Variants in JAG1 observed in about 807,000 individuals in gnomAD.
The protein encoded by JAG1 is protein jagged-1.
JAG1 carries 23 observed loss-of-function variants against 148.7 expected under a neutral mutation model. The ratio of observed to expected loss-of-function variants is 0.15; its 90% confidence interval spans 0.11 to 0.22. The LOEUF (loss-of-function observed/expected upper bound fraction) is 0.22, where lower values mean the gene tolerates loss of function less well. JAG1 is among the 10% of genes least tolerant of loss of function. The pLI is 1.00. For missense variants in JAG1, 1,054 were observed against 1,611.2 expected, an observed-to-expected ratio of 0.65 and a Z score of 5.92; for synonymous variants, 572 against 598.3, an observed-to-expected ratio of 0.96 and a Z score of 0.64.
At chr20:10,667,039 G>T (rs984481346) in intron 2 of JAG1, among the ~76,000 whole-genome samples, 5 of 152,238 alleles carry the variant, frequency 3.3e-5, no homozygotes, top group African/African-American at 1.2e-4. Flanking sequence ...ACATTAAGAA[G>T]GGGGGATGTA....
rs545669566 is a variant in JAG1 at position 10,668,398 on chromosome 20, TGGG to T, written c.387+4300_387+4302del. On this transcript the variant is annotated intron_variant, in intron 2 of 25. Transcript: ENST00000254958. ...CAGCCTAGATCCTAGGCTTGAAGGA[TGGG>T]GGTAGGTGGAAGAGCAACATGCCTT... 7.2e-5 allele frequency among the ~76,000 whole-genome samples: 11 copies of T among 152,274 alleles called. 1 individual carries two copies. The South Asian group carries it at 2.3e-3, about 32-fold the overall frequency.
chr20:10,648,522 G>A (rs1464890573), intron 12 of JAG1, 27 bp downstream of exon 12: 1 of 1,608,202 alleles, frequency 6.2e-7, no homozygotes, highest in Non-Finnish European at 8.5e-7. Context: ...TAAAAACTTG[G>A]CCATCTGAGG....
chr20:10,659,561 T>C (rs1382408775), intron 3 of JAG1, among the ~76,000 whole-genome samples: 4 of 30,964 alleles, frequency 1.3e-4, no homozygotes, highest in Non-Finnish European at 3.0e-4. Flanking sequence ...TTAAGTTACT[T>C]TTTTTTTTTT....
chr20:10,656,241 ATAATT>A, intron 5 of JAG1, among the ~76,000 whole-genome samples, 152 bp downstream of exon 5: 1 of 152,376 alleles, frequency 6.6e-6, no homozygotes, highest in Non-Finnish European at 1.5e-5. Context: ...GACAGCTGGT[ATAATT>A]TAATAAGCTT....
chr20:10,660,800 G>A (rs1307465721), intron 3 of JAG1, among the ~76,000 whole-genome samples: 3 of 152,150 alleles, frequency 2.0e-5, no homozygotes, highest in South Asian at 2.1e-4. Context: ...GTGGCAGTTC[G>A]TTTGGCAGTC....
At chr20:10,662,604 T>C (rs935140468) in intron 3 of JAG1, 2 of 152,600 alleles carry the variant, frequency 1.3e-5, no homozygotes, top group African/African-American at 4.8e-5. Flanking sequence ...TAACGCTTAG[T>C]TACCATTGTA....
At chr20:10,643,665 T>G in intron 20 of JAG1, 113 bp downstream of exon 20, 2 of 824,818 alleles carry the variant, frequency 2.4e-6, no homozygotes, top group South Asian at 1.4e-5. Flanking sequence ...CTTTGCTCTA[T>G]GAGAGCTACT....
chr20:10,649,841 T>C, intron 9 of JAG1: 1 of 615,024 alleles, frequency 1.6e-6, no homozygotes, highest in Non-Finnish European at 2.9e-6. Context: ...AATTGATAAC[T>C]TTCCAGCTGC....
intron 2 of JAG1, among the ~76,000 whole-genome samples, chr20:10,669,037 A>AAAAT (rs34323357): frequency 3.3e-5 from 5 of 151,374 alleles, no homozygotes; most frequent in Admixed American, 6.6e-5. Context: ...GAGAAAAAAA[A>AAAAT]ATTAGAAACC....
At position 10,645,637 on chromosome 20, in the gene JAG1, A is replaced by T. The variant is rs573775181; in HGVS notation, c.2000-168T>A. On this transcript the variant is annotated intron_variant, in intron 15 of 25. Transcript: ENST00000254958. This position sits in a 1 kb window ranked among gnomAD's most constrained non-coding sequence, Gnocchi z 6.1. ...TTTTCCAGGAATAAAGGAGCTCCCA[A>T]CTGGGTTACTTTGAATGCCACAAGT... The T allele has an allele frequency of 1.5e-5, 10 of 687,838 alleles. No individual in the cohort carries two copies. The highest frequency in any genetic ancestry group is 2.6e-5 in the Non-Finnish European group (10 of 386,712). 42.6% of individuals were successfully genotyped at this position (687,838 alleles called of 1,614,324 possible). A position where few individuals can be genotyped will look rare whatever the true frequency, so the allele number is the denominator to read the frequency against.
At chr20:10,646,190 A>G (rs568957893) in intron 14 of JAG1, 106 bp from the exon 15 acceptor site, 1 of 771,724 alleles carries the variant, frequency 1.3e-6, no homozygotes, top group East Asian at 2.6e-5. Context: ...TGCACCTGGC[A>G]CCTCCACCTG....
intron 11 of JAG1, 156 bp from the exon 12 acceptor site, chr20:10,648,878 G>A: frequency 6.7e-6 from 6 of 894,590 alleles, no homozygotes; most frequent in Non-Finnish European, 1.1e-5. Context: ...GAATTTCTAT[G>A]TGCATGCCTT....
At position 10,639,213 on chromosome 20, in the gene JAG1, G is replaced by C. The variant is rs1417703622; in HGVS notation, c.*285C>G. ...GGCAGAAGTGGGAGCTCAAAGACCA[G>C]GGGGCTGGGCAGGCTCCTGGGAGCC... On this transcript the variant is annotated 3_prime_UTR_variant, in exon 26 of 26. Transcript: ENST00000254958. 1.1e-5 allele frequency: 5 copies of C among 470,492 alleles called. No individual in the cohort carries two copies. The highest frequency in any genetic ancestry group is 1.6e-5 in the Non-Finnish European group (4 of 255,138). The allele number at this position is 470,492 out of a possible 1,614,324, so 29.1% of individuals were successfully genotyped here.
rs187992135 is a variant in JAG1 at position 10,663,263 on chromosome 20, T to G, written c.439+700A>C. ...GCTGGCAAAAAGGGAACTTGAAGTTTCGGCTCGTGAGCGAAAACACTGTAA... is the reference window on the plus strand; with the variant it reads ...GCTGGCAAAAAGGGAACTTGAAGTTGCGGCTCGTGAGCGAAAACACTGTAA... On this transcript the variant is annotated intron_variant, in intron 3 of 25. Coordinates refer to ENST00000254958, the MANE Select transcript of JAG1 (RefSeq NM_000214.3). Among the ~76,000 whole-genome samples, 10 of 152,334 alleles carry G rather than the reference T, an allele frequency of 6.6e-5. No homozygotes were observed. In the East Asian group the frequency reaches 1.9e-3, roughly 29 times the overall value.
Position 10,662,490 on chromosome 20 carries a change from G to T in JAG1, c.439+1473C>A, listed in dbSNP as rs190741614. ...TCAACCTCAAGCTGTTCACTCTACCGGGTGGATTGTTTCAATAGCTAAAAG... is the reference window on the plus strand; with the variant it reads ...TCAACCTCAAGCTGTTCACTCTACCTGGTGGATTGTTTCAATAGCTAAAAG... On this transcript the variant is annotated intron_variant, in intron 3 of 25. Coordinates refer to ENST00000254958, the MANE Select transcript of JAG1 (RefSeq NM_000214.3). The T allele has an allele frequency of 1.4e-3, 217 of 152,272 alleles. 1 individual carries two copies. The highest frequency in any genetic ancestry group is 3.2e-3 in the African/African-American group (134 of 41,494). 9.4% of individuals were successfully genotyped at this position (152,272 alleles called of 1,614,324 possible).
chr20:10,664,373 A>AACACACACACACACACACACAC (rs59417356), intron 2 of JAG1, among the ~76,000 whole-genome samples: 5 of 144,594 alleles, frequency 3.5e-5, no homozygotes, highest in African/African-American at 1.0e-4. Flanking sequence ...TGCATGAGGA[A>AACACACACACACACACACACAC]ACACACACAC....
At position 10,673,412 on chromosome 20, in the gene JAG1, A is replaced by G; in HGVS notation, c.81+38T>C. The G allele has an allele frequency of 7.2e-7, 1 of 1,383,896 alleles. No individual in the cohort carries two copies. The highest frequency in any genetic ancestry group is 9.6e-7 in the Non-Finnish European group (1 of 1,045,008). The allele number at this position is 1,383,896 out of a possible 1,614,324, so 85.7% of individuals were successfully genotyped here. A position where few individuals can be genotyped will look rare whatever the true frequency, so the allele number is the denominator to read the frequency against. On this transcript the variant is annotated intron_variant, in intron 1 of 25. Transcript: ENST00000254958. This position sits in a 1 kb window ranked among gnomAD's most constrained non-coding sequence, Gnocchi z 4.7. ...CCCAGGGCGCCGCGAGGGGAGGGAGAGGACGGCTGGGAGGGAGGCCCGGAG... is the reference window on the plus strand; with the variant it reads ...CCCAGGGCGCCGCGAGGGGAGGGAGGGGACGGCTGGGAGGGAGGCCCGGAG...
At position 10,673,595 on chromosome 20, in the gene JAG1, G is replaced by T; in HGVS notation, c.-65C>A. On this transcript the variant is annotated 5_prime_UTR_variant, in exon 1 of 26. Transcript: ENST00000254958. This position sits in a 1 kb window ranked among gnomAD's most constrained non-coding sequence, Gnocchi z 4.7. ...TGCTGTTCGCGCTGGTGCTGCCGCC[G>T]GTGCTGCCGTCGCCGCTGCCCCTGC... is the stretch of plus-strand genomic sequence containing the variant. The T allele has an allele frequency of 1.0e-6, 1 of 958,486 alleles. No individual in the cohort carries two copies. Among genetic ancestry groups the T allele is most frequent in the Non-Finnish European group, 1.3e-6 (1 of 742,744 alleles). The allele number at this position is 958,486 out of a possible 1,614,324, so 59.4% of individuals were successfully genotyped here. A position where few individuals can be genotyped will look rare whatever the true frequency, so the allele number is the denominator to read the frequency against.
chr20:10,646,672 C>T (rs190970090), intron 14 of JAG1, among the ~76,000 whole-genome samples: 233 of 151,924 alleles, frequency 1.5e-3, no homozygotes, highest in African/African-American at 5.3e-3. Flanking sequence ...ATTAGCTGGG[C>T]GTGGTGGGCG....
Sources: gnomAD v4.1 joint callset for allele counts (sites outside exome capture counted in the v4.1 genomes callset) on GRCh38, gnomAD v4.1.1 for gene constraint, Gnocchi (gnomAD v3.1) non-coding constraint, MANE v1.5 for transcripts, NCBI Gene and HGNC (gene_info 2026-07-23, HGNC 2026-07-21) for gene names.